BIRC6: variants seen among roughly 807,000 people sequenced by gnomAD.
BIRC6 encodes baculoviral IAP repeat containing 6, also known as dual E2 ubiquitin-conjugating enzyme/E3 ubiquitin-protein ligase BIRC6.
In BIRC6, 98 loss-of-function variants were observed where a neutral mutation model predicts 503.3. The observed-to-expected ratio is 0.19, with a 90% CI of 0.17 to 0.23. The LOEUF (loss-of-function observed/expected upper bound fraction) is 0.23, where lower values mean the gene tolerates loss of function less well. Ranked by LOEUF, BIRC6 falls within the 10% of genes least tolerant of loss-of-function variation. The pLI, the probability that BIRC6 is intolerant of heterozygous loss-of-function variation, is 1.00. For synonymous variants in BIRC6, 2,240 were observed against 2,078.7 expected (o/e 1.08, Z -2.11); for missense variants, 5,360 against 5,806.0 (o/e 0.92, Z 2.50).
At chr2:32,397,596 G>GTATA (rs2040055800) in intron 6 of BIRC6, among the ~76,000 whole-genome samples, 1 of 141,228 alleles carries the variant, frequency 7.1e-6, no homozygotes, top group Non-Finnish European at 1.5e-5. Flanking sequence ...GTGTGTGTGT[G>GTATA]TGTGTGTGTA....
At chr2:32,471,413 T>C (rs952780037) in intron 32 of BIRC6, among the ~76,000 whole-genome samples, 1 of 152,240 alleles carries the variant, frequency 6.6e-6, no homozygotes, top group Admixed American at 6.5e-5. Context: ...TTAAAGACTT[T>C]ATAATAGCAT....
intron 45 of BIRC6, among the ~76,000 whole-genome samples, chr2:32,495,960 C>G (rs2052411803): frequency 6.6e-6 from 1 of 151,930 alleles, no homozygotes; most frequent in Non-Finnish European, 1.5e-5. Flanking sequence ...GCCTCAGCCT[C>G]CTGAGTAGCT....
intron 50 of BIRC6, among the ~76,000 whole-genome samples, chr2:32,506,186 T>C (rs1024117443): frequency 2.0e-5 from 3 of 152,194 alleles, no homozygotes; most frequent in African/African-American, 7.2e-5. Context: ...GCTTTCAATA[T>C]AGTTATAATT....
chr2:32,584,797 A>G (rs935226346), intron 66 of BIRC6, among the ~76,000 whole-genome samples: 2 of 152,162 alleles, frequency 1.3e-5, no homozygotes, highest in Non-Finnish European at 2.9e-5. Flanking sequence ...TAGGCAGAAG[A>G]AAAAAACTTA....
intron 19 of BIRC6, among the ~76,000 whole-genome samples, chr2:32,442,749 T>G (rs181729794): frequency 1.4e-4 from 21 of 152,334 alleles, no homozygotes; most frequent in East Asian, 9.6e-4. Flanking sequence ...TTTTCACTCC[T>G]ACTTTCCTTG....
intron 65 of BIRC6, among the ~76,000 whole-genome samples, chr2:32,553,145 C>T (rs1229549398): frequency 1.7e-5 from 2 of 114,520 alleles, no homozygotes; most frequent in African/African-American, 3.3e-5. Flanking sequence ...TGCGGTGAGC[C>T]GAGATGGCAC....
At chr2:32,568,993 T>C (rs572535190) in intron 65 of BIRC6, among the ~76,000 whole-genome samples, 12 of 150,500 alleles carry the variant, frequency 8.0e-5, no homozygotes, top group African/African-American at 2.7e-4. Flanking sequence ...TCTTTTTTTT[T>C]TTTTTTTTGA....
chr2:32,476,118 T>C, intron 33 of BIRC6, 95 bp from the exon 34 acceptor site: 1 of 883,372 alleles, frequency 1.1e-6, no homozygotes, highest in Non-Finnish European at 1.7e-6. Context: ...ATAATGTGCA[T>C]TCCATTAGTT....
At chr2:32,395,669 TTATGA>T in intron 6 of BIRC6, 76 bp downstream of exon 6, 1 of 1,322,038 alleles carries the variant, frequency 7.6e-7, no homozygotes, top group Non-Finnish European at 1.1e-6. Context: ...ACTTTTCTGC[TTATGA>T]TATAATTTTT....
intron 49 of BIRC6, 95 bp downstream of exon 49, chr2:32,503,331 T>C: frequency 1.0e-6 from 1 of 985,888 alleles, no homozygotes; most frequent in South Asian, 1.7e-5. Flanking sequence ...GATGATGTTA[T>C]ATATCACTAT....
At chr2:32,596,311 C>G (rs2061671503) in intron 68 of BIRC6, among the ~76,000 whole-genome samples, 1 of 151,850 alleles carries the variant, frequency 6.6e-6, no homozygotes, top group African/African-American at 2.4e-5. Context: ...GTAACTCCAT[C>G]TCTATTAAAA....
In BIRC6 at chr2:32,357,143, G is replaced by T; in HGVS notation, c.-19G>T. On this transcript the variant is annotated 5_prime_UTR_variant, in exon 1 of 74. Coordinates refer to ENST00000421745, the MANE Select transcript of BIRC6 (RefSeq NM_016252.4). This position sits in a 1 kb window ranked among gnomAD's most constrained non-coding sequence, Gnocchi z 4.9. ...ACTTCACTTCCGGCTAACGCGCTCG[G>T]CTTGCCCCCTGGCCCCGGATGGTGA... 6.8e-7 allele frequency: 1 copy of T among 1,478,778 alleles called. No homozygotes were observed. Among genetic ancestry groups the T allele is most frequent in the Non-Finnish European group, 8.9e-7 (1 of 1,129,750 alleles). The allele number at this position is 1,478,778 out of a possible 1,614,324, so 91.6% of individuals were successfully genotyped here. A position where few individuals can be genotyped will look rare whatever the true frequency, so the allele number is the denominator to read the frequency against.
intron 21 of BIRC6, among the ~76,000 whole-genome samples, chr2:32,447,671 C>T (rs1485599109): frequency 3.3e-5 from 4 of 120,804 alleles, no homozygotes; most frequent in South Asian, 3.0e-4. Context: ...CCCCTCCCCC[C>T]TCCCGGACTG....
At chr2:32,519,085 T>G (rs2055365004) in intron 57 of BIRC6, 139 bp downstream of exon 57, 2 of 860,308 alleles carry the variant, frequency 2.3e-6, no homozygotes, top group African/African-American at 3.4e-5. Flanking sequence ...CTTTATAGTT[T>G]GAAGCATAAG....
intron 8 of BIRC6, among the ~76,000 whole-genome samples, chr2:32,403,078 A>C (rs1362545838): frequency 6.6e-6 from 1 of 152,208 alleles, no homozygotes; most frequent in Non-Finnish European, 1.5e-5. Context: ...TCTCTGAAGA[A>C]AGTCTCAAAC....
At chr2:32,525,090 G>T in intron 58 of BIRC6, 71 bp downstream of exon 58, 1 of 1,277,044 alleles carries the variant, frequency 7.8e-7, no homozygotes. Context: ...TTAGTTACAG[G>T]AAATTTATGT....
At chr2:32,480,363 C>T (rs1026847542) in intron 37 of BIRC6, among the ~76,000 whole-genome samples, 1 of 152,110 alleles carries the variant, frequency 6.6e-6, no homozygotes, top group Non-Finnish European at 1.5e-5. Context: ...AATTATAGTG[C>T]ACCCCCACCT....
chr2:32,588,541 A>G (rs796529775), intron 66 of BIRC6, among the ~76,000 whole-genome samples: 9 of 152,202 alleles, frequency 5.9e-5, no homozygotes, highest in African/African-American at 2.2e-4. Flanking sequence ...CATTTCCTGC[A>G]TTTTATTGTG....
At position 32,499,958 on chromosome 2, in the gene BIRC6, C is replaced by G; in HGVS notation, c.8880C>G (p.Val2960=). The G allele has an allele frequency of 6.2e-7, 1 of 1,613,952 alleles. No homozygotes were observed. Among genetic ancestry groups the G allele is most frequent in the South Asian group, 1.1e-5 (1 of 91,080 alleles). The change falls in exon 46 of 74, where the codon GTC becomes GTG. Residue 2960 remains valine (V), a synonymous_variant. Coordinates refer to ENST00000421745, the MANE Select transcript of BIRC6 (RefSeq NM_016252.4). ...ATAGTGTTTCAGATGAAGAAAAAGTCTCAGGAGGCAAAGATGGCAATGGAA... is the reference window on the plus strand; with the variant it reads ...ATAGTGTTTCAGATGAAGAAAAAGTGTCAGGAGGCAAAGATGGCAATGGAA... ...TTDSVSDEEK[V]SGGKDGNGSS...
Sources: gnomAD v4.1 joint callset for allele counts (sites outside exome capture counted in the v4.1 genomes callset) on GRCh38, gnomAD v4.1.1 for gene constraint, Gnocchi (gnomAD v3.1) non-coding constraint, MANE v1.5 for transcripts, NCBI Gene and HGNC (gene_info 2026-07-23, HGNC 2026-07-21) for gene names.